Variants in KHDRBS2 observed in about 807,000 individuals in gnomAD.
KHDRBS2 encodes KH domain-containing, RNA-binding, signal transduction-associated protein 2.
Under a neutral mutation model 44.3 loss-of-function variants are expected in KHDRBS2, and 26 were observed. The ratio of observed to expected loss-of-function variants is 0.59; its 90% CI spans 0.43 to 0.81. The LOEUF is 0.81. KHDRBS2 is among the 40% of genes least tolerant of loss of function. The probability of loss-of-function intolerance (pLI) is 0.00; values close to 1 mark genes in which losing one functional copy is unlikely to be tolerated. For missense variants in KHDRBS2, 476 were observed against 433.1 expected (o/e 1.10, Z -0.88); for synonymous variants, 194 against 151.1 (o/e 1.28, Z -2.08).
chr6:62,181,303 T>C (rs994414930), intron 1 of KHDRBS2, among the ~76,000 whole-genome samples: 1 of 151,944 alleles, frequency 6.6e-6, no homozygotes, highest in African/African-American at 2.4e-5. Context: ...TATCTGATAA[T>C]AGATCTGATA....
At chr6:62,056,456 T>A (rs1379452294) in intron 2 of KHDRBS2, among the ~76,000 whole-genome samples, 2 of 151,938 alleles carry the variant, frequency 1.3e-5, no homozygotes, top group African/African-American at 2.4e-5. Flanking sequence ...TCTCTGGGAA[T>A]GGGGAATAGG....
chr6:61,558,664 C>A, the KHDRBS2 span, among the ~76,000 whole-genome samples: 3 of 152,272 alleles, frequency 2.0e-5, no homozygotes, highest in East Asian at 3.9e-4. Context: ...TCCTTAATTT[C>A]TTCCTTGACC....
At position 62,029,267 on chromosome 6, in the gene KHDRBS2, A is replaced by G. The variant is rs554804453; in HGVS notation, c.336+18611T>C. Among the ~76,000 whole-genome samples, 6 of 152,090 alleles carry G rather than the reference A, an allele frequency of 3.9e-5. No homozygotes were observed. In the East Asian group the frequency reaches 1.2e-3, roughly 29 times the overall value. Reference sequence around the variant, plus strand: ...AGAAAACATTAGGAATACAGTAACAAAATTTATTTTTCAACATTAATAGGA... The same window carrying G: ...AGAAAACATTAGGAATACAGTAACAGAATTTATTTTTCAACATTAATAGGA... On this transcript the variant is annotated intron_variant, in intron 3 of 8. Coordinates refer to ENST00000281156, the MANE Select transcript of KHDRBS2 (RefSeq NM_152688.4).
chr6:62,213,071 C>T (rs1829356336), intron 1 of KHDRBS2, among the ~76,000 whole-genome samples: 3 of 152,100 alleles, frequency 2.0e-5, no homozygotes, highest in Admixed American at 2.0e-4. Flanking sequence ...ATATTGCTAC[C>T]TGGCTCATCC....
chr6:61,860,587 A>G (rs1292274572), intron 6 of KHDRBS2, among the ~76,000 whole-genome samples: 1 of 152,060 alleles, frequency 6.6e-6, no homozygotes, highest in Non-Finnish European at 1.5e-5. Flanking sequence ...TCCATGGTGT[A>G]TATGTACCAC....
chr6:62,259,380 C>A (rs1837958305), intron 1 of KHDRBS2, among the ~76,000 whole-genome samples: 2 of 151,744 alleles, frequency 1.3e-5, no homozygotes, highest in African/African-American at 4.8e-5. Context: ...GTATTTCATG[C>A]AAAGGTACAT....
chr6:61,556,698 G>C, the KHDRBS2 span, among the ~76,000 whole-genome samples: 2 of 152,030 alleles, frequency 1.3e-5, no homozygotes, highest in Admixed American at 6.6e-5. Flanking sequence ...TTACAGCACA[G>C]TGTTTTTCTT....
chr6:61,657,641 C>A, the KHDRBS2 span, among the ~76,000 whole-genome samples: 1 of 151,932 alleles, frequency 6.6e-6, no homozygotes, highest in Non-Finnish European at 1.5e-5. Context: ...GCTTTGGAAG[C>A]CTTTCTCCTG....
At chr6:62,250,068 TG>T (rs1836267516) in intron 1 of KHDRBS2, among the ~76,000 whole-genome samples, 1 of 152,026 alleles carries the variant, frequency 6.6e-6, no homozygotes, top group South Asian at 2.1e-4. Flanking sequence ...AGATGATAAA[TG>T]GGAACAGTTC....
At chr6:61,550,806 C>T in the KHDRBS2 span, among the ~76,000 whole-genome samples, 7 of 100,422 alleles carry the variant, frequency 7.0e-5, no homozygotes, top group Admixed American at 4.2e-4. Flanking sequence ...TGGAGTTTTG[C>T]TCTGTCACTC....
chr6:61,579,042 A>G, the KHDRBS2 span, among the ~76,000 whole-genome samples: 1 of 152,158 alleles, frequency 6.6e-6, no homozygotes, highest in Non-Finnish European at 1.5e-5. Context: ...TGCAGCAGAA[A>G]GAGAGGGAGG....
At chr6:62,057,454 T>A (rs963182802) in intron 2 of KHDRBS2, among the ~76,000 whole-genome samples, 2 of 151,982 alleles carry the variant, frequency 1.3e-5, no homozygotes, top group African/African-American at 4.8e-5. Context: ...AACACAAAAG[T>A]TGTTCTACTA....
chr6:62,029,120 G>A (rs1783888666), intron 3 of KHDRBS2, among the ~76,000 whole-genome samples: 1 of 151,732 alleles, frequency 6.6e-6, no homozygotes. Flanking sequence ...CCTAAGTATG[G>A]GTAATGGTAT....
At chr6:61,581,176 TTGCCATGCAAATG>T in the KHDRBS2 span, among the ~76,000 whole-genome samples, 2 of 152,130 alleles carry the variant, frequency 1.3e-5, no homozygotes, top group East Asian at 1.9e-4. Flanking sequence ...TAGGTAGATT[TTGCCATGCAAATG>T]TGCCATGCAA....
intron 1 of KHDRBS2, among the ~76,000 whole-genome samples, chr6:62,269,206 G>A (rs1462812970): frequency 6.6e-6 from 1 of 152,054 alleles, no homozygotes; most frequent in Admixed American, 6.6e-5. Context: ...ATTTCTTAGA[G>A]AGGACACACA....
At chr6:62,189,601 C>T (rs562919188) in intron 1 of KHDRBS2, among the ~76,000 whole-genome samples, 2 of 152,072 alleles carry the variant, frequency 1.3e-5, no homozygotes, top group Admixed American at 6.6e-5. Flanking sequence ...TGAGCAGAGG[C>T]AGGAAGATCA....
chr6:61,723,387 G>T (rs1188183691), intron 7 of KHDRBS2, among the ~76,000 whole-genome samples: 1 of 152,100 alleles, frequency 6.6e-6, no homozygotes, highest in African/African-American at 2.4e-5. Context: ...AGGCTGAAAT[G>T]GCTGAATTGA....
intron 2 of KHDRBS2, among the ~76,000 whole-genome samples, chr6:62,083,410 G>A (rs1797793871): frequency 6.6e-6 from 1 of 152,122 alleles, no homozygotes; most frequent in Non-Finnish European, 1.5e-5. Flanking sequence ...CAATTCATTT[G>A]TGCAACCTGA....
intron 3 of KHDRBS2, among the ~76,000 whole-genome samples, chr6:62,027,466 T>C (rs763686747): frequency 6.6e-6 from 1 of 152,044 alleles, no homozygotes; most frequent in Admixed American, 6.6e-5. Context: ...ATATCTTTTG[T>C]TATTCATAAC....
Sources: allele counts gnomAD v4.1 joint callset (sites outside exome capture counted in the v4.1 genomes callset), GRCh38; gene constraint gnomAD v4.1.1; transcripts MANE v1.5; gene names NCBI Gene and HGNC (gene_info 2026-07-23, HGNC 2026-07-21).